The following GRM7 variants were observed in gnomAD, a reference collection of about 807,000 sequenced individuals.
GRM7 encodes metabotropic glutamate receptor 7.
GRM7 carries 35 observed loss-of-function variants against 84.5 expected under a neutral mutation model. The ratio of observed to expected loss-of-function variants is 0.41; its 90% CI spans 0.32 to 0.55. The LOEUF (loss-of-function observed/expected upper bound fraction) is 0.55. Ranked by LOEUF, GRM7 falls within the 20% of genes least tolerant of loss-of-function variation. GRM7 has a pLI of 0.19. For missense variants in GRM7, 1,003 were observed against 1,194.6 expected, an observed-to-expected ratio of 0.84 and a Z score of 2.36; for synonymous variants, 487 against 455.1, an observed-to-expected ratio of 1.07 and a Z score of -0.89.
chr3:7,403,657 A>G (rs1310424071), intron 4 of GRM7, among the ~76,000 whole-genome samples: 1 of 142,828 alleles, frequency 7.0e-6, no homozygotes, highest in Non-Finnish European at 1.5e-5. Context: ...ATATGTACAT[A>G]CACACACATT....
intron 1 of GRM7, among the ~76,000 whole-genome samples, chr3:7,051,039 T>G (rs1021374302): frequency 5.3e-5 from 8 of 151,958 alleles, no homozygotes; most frequent in Non-Finnish European, 1.0e-4. Context: ...AAAATATGTA[T>G]TATACTATAT....
At chr3:6,965,242 C>T (rs1453408817) in intron 1 of GRM7, among the ~76,000 whole-genome samples, 1 of 152,216 alleles carries the variant, frequency 6.6e-6, no homozygotes, top group Non-Finnish European at 1.5e-5. Context: ...AAGAACAATC[C>T]AGTCTTCTGT....
rs184039198 is a variant in GRM7 at position 7,243,899 on chromosome 3, T to C, written c.737-54785T>C. Reference sequence around the variant, plus strand: ...AATTGTAATACAATGATAAGTATTTTTGTGTTCAAACAAATCTAAACATGG... The same window carrying C: ...AATTGTAATACAATGATAAGTATTTCTGTGTTCAAACAAATCTAAACATGG... On this transcript the variant is annotated intron_variant, in intron 2 of 9. Coordinates refer to ENST00000357716, the MANE Select transcript of GRM7 (RefSeq NM_000844.4). 2.9e-3 allele frequency among the ~76,000 whole-genome samples: 443 copies of C among 152,262 alleles called. 6 individuals are homozygous for C. The highest frequency in any genetic ancestry group is 0.01 in the African/African-American group (420 of 41,554).
At chr3:7,509,643 C>T (rs1700138927) in intron 7 of GRM7, among the ~76,000 whole-genome samples, 2 of 152,164 alleles carry the variant, frequency 1.3e-5, no homozygotes, top group South Asian at 4.1e-4. Context: ...TGAGTCAAGC[C>T]TAGAAAAGAC....
Position 7,059,382 on chromosome 3 carries a change from G to A in GRM7, c.520-87070G>A, listed in dbSNP as rs558129010. 8.2e-4 allele frequency among the ~76,000 whole-genome samples: 124 copies of A among 151,568 alleles called. 2 individuals carry two copies. The Middle Eastern group carries it at 0.014, about 17-fold the overall frequency. On this transcript the variant is annotated intron_variant, in intron 1 of 9. Transcript: ENST00000357716. ...CTTCTTTCCCCCTACCATTGTTTAAGCCACAGATTTTTAAAACTAGAAAGG... is the reference window on the plus strand; with the variant it reads ...CTTCTTTCCCCCTACCATTGTTTAAACCACAGATTTTTAAAACTAGAAAGG...
intron 7 of GRM7, among the ~76,000 whole-genome samples, chr3:7,565,796 T>C (rs576643250): frequency 1.3e-5 from 2 of 152,298 alleles, no homozygotes; most frequent in South Asian, 4.1e-4. Flanking sequence ...AAAGATTTGC[T>C]GAAGAGGGTT....
chr3:6,997,474 AG>A (rs1694864335), intron 1 of GRM7, among the ~76,000 whole-genome samples: 1 of 152,190 alleles, frequency 6.6e-6, no homozygotes, highest in Non-Finnish European at 1.5e-5. Context: ...AGAAGTGCAG[AG>A]CAAAATGGGG....
At chr3:7,582,434 A>G (rs890703594) in intron 8 of GRM7, among the ~76,000 whole-genome samples, 3 of 152,204 alleles carry the variant, frequency 2.0e-5, no homozygotes, top group Non-Finnish European at 2.9e-5. Flanking sequence ...TACAAAGGGA[A>G]AATGATCTTG....
At position 7,010,904 on chromosome 3, in the gene GRM7, A is replaced by C. The variant is rs147955556; in HGVS notation, c.520-135548A>C. 3.1e-3 allele frequency among the ~76,000 whole-genome samples: 467 copies of C among 152,354 alleles called. 3 individuals are homozygous for C. Among genetic ancestry groups the C allele is most frequent in the African/African-American group, 0.011 (445 of 41,586 alleles). On this transcript the variant is annotated intron_variant, in intron 1 of 9. Coordinates refer to ENST00000357716, the MANE Select transcript of GRM7 (RefSeq NM_000844.4). Reference sequence around the variant, plus strand: ...AAATCTTTTTTCCCCTGTAGCATTGACCAGTCAGGAAAAGAATTGCAGAAG... The same window carrying C: ...AAATCTTTTTTCCCCTGTAGCATTGCCCAGTCAGGAAAAGAATTGCAGAAG...
intron 8 of GRM7, among the ~76,000 whole-genome samples, chr3:7,601,946 C>T (rs1169815001): frequency 2.0e-5 from 3 of 151,816 alleles, no homozygotes; most frequent in African/African-American, 4.8e-5. Context: ...TCTCTGCAGC[C>T]GAGGAGAGGA....
At chr3:7,395,038 CAAA>C (rs33944777) in intron 4 of GRM7, among the ~76,000 whole-genome samples, 24,915 of 135,820 alleles carry the variant, frequency 0.18, 2,195 homozygotes, top group East Asian at 0.36. Context: ...AACTCTGTCT[CAAA>C]AAAAAAAAAA....
intron 5 of GRM7, among the ~76,000 whole-genome samples, chr3:7,424,648 T>C (rs1696530635): frequency 6.6e-6 from 1 of 152,196 alleles, no homozygotes; most frequent in Non-Finnish European, 1.5e-5. Context: ...TCATGTACTC[T>C]GTCACTCATT....
intron 3 of GRM7, 54 bp from the exon 4 acceptor site, chr3:7,306,444 G>A: frequency 6.7e-7 from 1 of 1,495,836 alleles, no homozygotes; most frequent in Non-Finnish European, 9.3e-7. Flanking sequence ...AATCTACACG[G>A]ATTCAGCTGA....
intron 2 of GRM7, among the ~76,000 whole-genome samples, chr3:7,196,155 G>T (rs1211774810): frequency 6.6e-6 from 1 of 151,990 alleles, no homozygotes; most frequent in African/African-American, 2.4e-5. Flanking sequence ...CCAGGAAAAG[G>T]CTATGTTGCA....
At chr3:7,016,820 C>A (rs74971332) in intron 1 of GRM7, among the ~76,000 whole-genome samples, 7 of 152,136 alleles carry the variant, frequency 4.6e-5, no homozygotes, top group Non-Finnish European at 7.3e-5. Context: ...GAAACTGAGA[C>A]CTAAGGAGAT....
chr3:6,901,356 T>C (rs971736742), intron 1 of GRM7, among the ~76,000 whole-genome samples: 1 of 152,098 alleles, frequency 6.6e-6, no homozygotes, highest in African/African-American at 2.4e-5. Context: ...TCCCAGTACT[T>C]TGGGAGGCCA....
intron 1 of GRM7, among the ~76,000 whole-genome samples, chr3:7,106,174 A>G (rs922843042): frequency 6.6e-6 from 1 of 151,968 alleles, no homozygotes; most frequent in Non-Finnish European, 1.5e-5. Context: ...TAAAAGAAAA[A>G]TATTAGATAT....
chr3:7,175,391 T>C (rs1420320970), intron 2 of GRM7, among the ~76,000 whole-genome samples: 1 of 152,260 alleles, frequency 6.6e-6, no homozygotes, highest in Admixed American at 6.5e-5. Flanking sequence ...GACTCCATTG[T>C]CATGTCTCCA....
At chr3:7,220,128 A>G (rs1696751316) in intron 2 of GRM7, among the ~76,000 whole-genome samples, 1 of 152,206 alleles carries the variant, frequency 6.6e-6, no homozygotes, top group Non-Finnish European at 1.5e-5. Flanking sequence ...AATTTCAAAT[A>G]CTTTATATAG....
Sources: gnomAD v4.1 joint callset for allele counts (sites outside exome capture counted in the v4.1 genomes callset) on GRCh38, gnomAD v4.1.1 for gene constraint, MANE v1.5 for transcripts, NCBI Gene and HGNC (gene_info 2026-07-23, HGNC 2026-07-21) for gene names.